Variants in TNFRSF13B observed in about 807,000 individuals in gnomAD.
TNFRSF13B encodes TNF receptor superfamily member 13B, also known as tumor necrosis factor receptor superfamily member 13B.
TNFRSF13B carries 34 observed loss-of-function variants against 24.0 expected under a neutral mutation model. The ratio of observed to expected loss-of-function variants is 1.41; its 90% CI spans 1.08 to 1.88. The LOEUF is 1.88. Ranked by LOEUF, TNFRSF13B falls within the 40% of genes most tolerant of loss-of-function variation. The pLI is 0.00. For synonymous variants in TNFRSF13B, 173 were observed against 150.3 expected, an observed-to-expected ratio of 1.15 and a Z score of -1.10; for missense variants, 415 against 380.8, an observed-to-expected ratio of 1.09 and a Z score of -0.75.
chr17:16,970,353 G>A (rs1024372346), intron 1 of TNFRSF13B, among the ~76,000 whole-genome samples: 3 of 152,056 alleles, frequency 2.0e-5, no homozygotes, highest in East Asian at 3.9e-4. Context: ...CCTGCACCCC[G>A]AGACCAGAGA....
intron 1 of TNFRSF13B, among the ~76,000 whole-genome samples, chr17:16,967,445 A>T (rs935110980): frequency 6.6e-6 from 1 of 151,590 alleles, no homozygotes; most frequent in African/African-American, 2.4e-5. Context: ...TGTATACATT[A>T]AAAAATTGTG....
chr17:16,963,899 G>A (rs2087681015), intron 1 of TNFRSF13B, among the ~76,000 whole-genome samples: 1 of 152,152 alleles, frequency 6.6e-6, no homozygotes. Context: ...TTGGGCTGGG[G>A]GCTATGAGTT....
At chr17:16,964,796 T>C (rs1473756848) in intron 1 of TNFRSF13B, among the ~76,000 whole-genome samples, 1 of 152,216 alleles carries the variant, frequency 6.6e-6, no homozygotes, top group Non-Finnish European at 1.5e-5. Context: ...GGATTCGCCA[T>C]GGTTCAGTGA....
chr17:16,969,545 T>A (rs1044718477), intron 1 of TNFRSF13B, among the ~76,000 whole-genome samples: 33 of 152,222 alleles, frequency 2.2e-4, no homozygotes, highest in African/African-American at 7.7e-4. Flanking sequence ...TAGGGAGGAA[T>A]GAAGACTGAC....
intron 1 of TNFRSF13B, among the ~76,000 whole-genome samples, chr17:16,966,839 CT>C (rs71152837): frequency 0.086 from 4,047 of 47,154 alleles, 48 homozygotes; most frequent in South Asian, 0.27. Flanking sequence ...TTTCTTTTTT[CT>C]TTTTTTTTTT....
chr17:16,966,945 TC>T (rs1337847700), intron 1 of TNFRSF13B, among the ~76,000 whole-genome samples: 1 of 150,778 alleles, frequency 6.6e-6, no homozygotes, highest in Non-Finnish European at 1.5e-5. Flanking sequence ...TTCAAGCGAT[TC>T]TCTTGCCTCA....
intron 3 of TNFRSF13B, 82 bp from the exon 4 acceptor site, chr17:16,940,593 C>G (rs1567649921): frequency 6.5e-7 from 1 of 1,548,238 alleles, no homozygotes; most frequent in Non-Finnish European, 8.7e-7. Flanking sequence ...ATCCCCCCAT[C>G]CCCCTGCTGT....
intron 1 of TNFRSF13B, among the ~76,000 whole-genome samples, chr17:16,967,608 C>T (rs1447324083): frequency 1.3e-5 from 2 of 150,904 alleles, no homozygotes; most frequent in Admixed American, 1.3e-4. Flanking sequence ...AAAAATTAGC[C>T]GGGCATGGTG....
In TNFRSF13B at chr17:16,939,399, C is replaced by T; in HGVS notation, c.*148G>A. On this transcript the variant is annotated 3_prime_UTR_variant, in exon 5 of 5. Transcript: ENST00000261652. The stretch of plus-strand genomic sequence containing the variant: ...CCTCTGTCTCTCTCTCCCTCTGTCT[C>T]TCTCTCCCTCTCTGTCTCCTCTGTT... 1.0e-6 allele frequency: 1 copy of T among 952,948 alleles called. No individual in the cohort carries two copies. 59.0% of individuals were successfully genotyped at this position (952,948 alleles called of 1,614,324 possible).
rs2087493653 is a variant in TNFRSF13B at position 16,939,714 on chromosome 17, C to A, written c.715G>T (p.Ala239Ser). Residue 239 changes from alanine to serine, a missense_variant, in exon 5 of 5, where the codon GCG (alanine) becomes TCG (serine). By Grantham distance (99) the Ala-to-Ser change is moderately conservative. Transcript: ENST00000261652. The part of the protein sequence containing the change: ...TCSFCFPECR[A>S]PTQESAVTPG... Reference sequence around the variant, plus strand: ...GTGACTGCGCTCTCCTGCGTGGGCGCCCTGCACTCAGGGAAGCAGAAGCTG... The same window carrying A: ...GTGACTGCGCTCTCCTGCGTGGGCGACCTGCACTCAGGGAAGCAGAAGCTG... The A allele has an allele frequency of 1.2e-6, 2 of 1,606,712 alleles. No individual in the cohort carries two copies. The highest frequency in any genetic ancestry group is 4.5e-5 in the East Asian group (2 of 44,744).
rs1257147027 is a variant in TNFRSF13B, at chr17:16,966,231, G to A, written c.61+5784C>T. On this transcript the variant is annotated intron_variant, in intron 1 of 4. Coordinates refer to ENST00000261652, the MANE Select transcript of TNFRSF13B (RefSeq NM_012452.3). ...ATTGCACCACTGCACTCCAGCCTAC[G>A]CAACAGAGTGAGACTCCATCTCAAA... Among the ~76,000 whole-genome samples, 18 of 149,870 alleles carry A rather than the reference G, an allele frequency of 1.2e-4. No individual in the cohort carries two copies. The South Asian group carries it at 3.7e-3, about 31-fold the overall frequency.
At chr17:16,941,600 A>G (rs2143644306) in intron 3 of TNFRSF13B, 1 of 984,918 alleles carries the variant, frequency 1.0e-6, no homozygotes, top group Middle Eastern at 3.2e-4. Context: ...GCAGACAACT[A>G]CCCCCATTAA....
At chr17:16,967,398 A>G (rs963414580) in intron 1 of TNFRSF13B, among the ~76,000 whole-genome samples, 6 of 152,154 alleles carry the variant, frequency 3.9e-5, no homozygotes, top group African/African-American at 1.4e-4. Context: ...TATTTTTGAA[A>G]AAAGGGGGAA....
At chr17:16,940,118 C>G (rs2087498371) in intron 4 of TNFRSF13B, 1 of 1,355,792 alleles carries the variant, frequency 7.4e-7, no homozygotes, top group African/African-American at 1.5e-5. Context: ...AAGACCGGCA[C>G]CCCACACCCA....
intron 3 of TNFRSF13B, chr17:16,941,007 G>T: frequency 2.2e-6 from 2 of 902,398 alleles, no homozygotes; most frequent in Non-Finnish European, 2.7e-6. Context: ...AGACGGCCTG[G>T]CATTTGCATA....
intron 3 of TNFRSF13B, among the ~76,000 whole-genome samples, chr17:16,945,861 C>T (rs1216171765): frequency 6.6e-6 from 1 of 152,142 alleles, no homozygotes; most frequent in Non-Finnish European, 1.5e-5. Context: ...CCCCTGAATC[C>T]GCTGGCACTG....
chr17:16,953,275 C>G (rs1397180082), intron 1 of TNFRSF13B, among the ~76,000 whole-genome samples: 2 of 152,242 alleles, frequency 1.3e-5, no homozygotes, highest in African/African-American at 4.8e-5. Context: ...CGGACCAACT[C>G]AGTGCCTAGC....
At chr17:16,957,446 A>G (rs1244047520) in intron 1 of TNFRSF13B, among the ~76,000 whole-genome samples, 2 of 152,150 alleles carry the variant, frequency 1.3e-5, no homozygotes, top group Admixed American at 6.5e-5. Flanking sequence ...TGAAGGAATA[A>G]TGGCCCCAAA....
intron 3 of TNFRSF13B, among the ~76,000 whole-genome samples, chr17:16,946,285 A>G (rs961641407): frequency 1.3e-5 from 2 of 152,244 alleles, no homozygotes; most frequent in African/African-American, 4.8e-5. Flanking sequence ...TGCAAAGGAA[A>G]GGAACCAATC....
Sources: allele counts gnomAD v4.1 joint callset (sites outside exome capture counted in the v4.1 genomes callset), GRCh38; gene constraint gnomAD v4.1.1; transcripts MANE v1.5; gene names NCBI Gene and HGNC (gene_info 2026-07-23, HGNC 2026-07-21).